Variants in VANGL1 observed in about 807,000 individuals in gnomAD.
VANGL1 encodes the protein vang-like protein 1.
A neutral mutation model predicts 48.4 loss-of-function variants in VANGL1; 18 were observed. That is an observed-to-expected ratio of 0.37 (90% CI 0.26 to 0.55). The LOEUF is 0.55. Among genes scored for constraint, VANGL1 ranks in the 20% least tolerant of loss-of-function variants. The pLI is 0.81. For synonymous variants in VANGL1, 257 were observed against 261.8 expected (o/e 0.98, Z 0.18); for missense variants, 667 against 675.8 (o/e 0.99, Z 0.14).
chr1:115,649,263 TTTTCACATTTAATCTTTACAGC>T (rs1330793208), intron 1 of VANGL1, among the ~76,000 whole-genome samples: 1 of 152,122 alleles, frequency 6.6e-6, no homozygotes, highest in African/African-American at 2.4e-5. Context: ...GCCTGCTGTG[TTTTCACATTTAATCTTTACAGC>T]TACCTCCCCC....
chr1:115,685,363 C>A lies in VANGL1; in HGVS notation c.1150C>A (p.Pro384Thr). Residue 384 changes from proline (P) to threonine (T), a missense_variant, in exon 7 of 8, where the codon CCA becomes ACA. By Grantham distance (38) the Pro-to-Thr change is conservative. Coordinates refer to ENST00000355485, the MANE Select transcript of VANGL1 (RefSeq NM_138959.3). ...RLQAEEQQKA[P>T]GEVMDPREAA... ...CCAGGCTGAGGAGCAGCAGAAAGCC[C>A]CAGGGGAGGTGATGGACCCTAGGGA... The A allele has an allele frequency of 6.2e-7, 1 of 1,614,142 alleles. No individual in the cohort carries two copies. Among genetic ancestry groups the A allele is most frequent in the Non-Finnish European group, 8.5e-7 (1 of 1,180,020 alleles).
At chr1:115,664,974 C>T (rs912347662) in intron 4 of VANGL1, among the ~76,000 whole-genome samples, 3 of 152,158 alleles carry the variant, frequency 2.0e-5, no homozygotes, top group Admixed American at 6.5e-5. Flanking sequence ...CATAGAACCC[C>T]GTGACCTAGG....
At chr1:115,679,329 G>C (rs1396183389) in intron 4 of VANGL1, among the ~76,000 whole-genome samples, 2 of 152,170 alleles carry the variant, frequency 1.3e-5, no homozygotes, top group African/African-American at 4.8e-5. Context: ...CTCACTCTTT[G>C]GGAGGACTGT....
rs147537687 is a variant in VANGL1, at chr1:115,656,310, A to T, written c.72-3331A>T. On this transcript the variant is annotated intron_variant, in intron 2 of 7. Coordinates refer to ENST00000355485, the MANE Select transcript of VANGL1 (RefSeq NM_138959.3). The stretch of plus-strand genomic sequence containing the variant: ...CCATTATCAAGCCCCTGCTATATAC[A>T]GGGCATTTCACAAAGAAGCAAACTT... Among the ~76,000 whole-genome samples, 245 of 152,334 alleles carry T rather than the reference A, an allele frequency of 1.6e-3. 1 individual carries two copies. Among genetic ancestry groups the T allele is most frequent in the Non-Finnish European group, 3.2e-3 (215 of 68,034 alleles).
intron 1 of VANGL1, among the ~76,000 whole-genome samples, chr1:115,648,780 G>A (rs74114597): frequency 0.011 from 1,739 of 152,342 alleles, 36 homozygotes; most frequent in African/African-American, 0.04. Flanking sequence ...CATCTGCGGG[G>A]CCTGGGCCAC....
intron 4 of VANGL1, among the ~76,000 whole-genome samples, chr1:115,678,367 G>A (rs920602659): frequency 2.6e-5 from 4 of 152,210 alleles, no homozygotes; most frequent in Non-Finnish European, 4.4e-5. Context: ...GGGAATGGCT[G>A]CTCCCTGCAT....
chr1:115,667,086 A>G (rs998228681), intron 4 of VANGL1, among the ~76,000 whole-genome samples: 2 of 152,250 alleles, frequency 1.3e-5, no homozygotes, highest in African/African-American at 4.8e-5. Flanking sequence ...GCAGGTCTCC[A>G]TTAGACCCAG....
chr1:115,680,994 G>A (rs1260528698), intron 4 of VANGL1, among the ~76,000 whole-genome samples: 1 of 152,214 alleles, frequency 6.6e-6, no homozygotes, highest in East Asian at 1.9e-4. Flanking sequence ...GGAGATGTCA[G>A]CACGTACGCT....
rs752111088 is a variant in VANGL1 at position 115,685,542 on chromosome 1, G to A, written c.1314+15G>A. ...TGACCCCCAAGGTGCGCTGCTCCGG[G>A]CGGGCTCTGCCACCGTCATCCTGGC... On this transcript the variant is annotated intron_variant, in intron 7 of 7. Coordinates refer to ENST00000355485, the MANE Select transcript of VANGL1 (RefSeq NM_138959.3). 1 of 1,612,816 alleles carries A rather than the reference G, an allele frequency of 6.2e-7. No individual in the cohort carries two copies. Among genetic ancestry groups the A allele is most frequent in the East Asian group, 2.2e-5 (1 of 44,822 alleles).
intron 7 of VANGL1, among the ~76,000 whole-genome samples, chr1:115,686,288 CG>C (rs1653613465): frequency 6.8e-6 from 1 of 146,106 alleles, no homozygotes; most frequent in Non-Finnish European, 1.5e-5. Flanking sequence ...AATAGAATGG[CG>C]TGAACCCAGG....
At chr1:115,673,025 G>C (rs1398139677) in intron 4 of VANGL1, among the ~76,000 whole-genome samples, 1 of 152,342 alleles carries the variant, frequency 6.6e-6, no homozygotes, top group East Asian at 1.9e-4. Context: ...CCTAGCTGCA[G>C]GTTTTCACAG....
Position 115,684,042 on chromosome 1 carries a change from G to A in VANGL1, c.1045G>A (p.Glu349Lys), listed in dbSNP as rs778860160. The A allele has an allele frequency of 6.8e-6, 11 of 1,614,054 alleles. No individual in the cohort carries two copies. Among genetic ancestry groups the A allele is most frequent in the East Asian group, 2.2e-5 (1 of 44,884 alleles). ...CAACGAGTTGTATTATGAAGAGGCC[G>A]AACATGAACGGCGAGTAAAGAAGCG... ...SHNELYYEEA[E>K]HERRVKKRKA... is the part of the protein sequence containing the mutation. The change falls in exon 6 of 8, where the codon GAA becomes AAA. Residue 349 changes from glutamate to lysine, a missense_variant. Coordinates refer to ENST00000355485, the MANE Select transcript of VANGL1 (RefSeq NM_138959.3).
intron 6 of VANGL1, among the ~76,000 whole-genome samples, chr1:115,684,944 G>A (rs1049001654): frequency 7.9e-5 from 12 of 152,116 alleles, no homozygotes; most frequent in African/African-American, 2.4e-4. Context: ...ATAGCCAGTC[G>A]GAGGGGCCTC....
At chr1:115,658,653 T>A (rs1652433947) in intron 2 of VANGL1, among the ~76,000 whole-genome samples, 1 of 152,084 alleles carries the variant, frequency 6.6e-6, no homozygotes, top group African/African-American at 2.4e-5. Context: ...GATGTCAAGG[T>A]GGCTGTGGGG....
chr1:115,675,331 T>C (rs1174225686), intron 4 of VANGL1, among the ~76,000 whole-genome samples: 1 of 152,070 alleles, frequency 6.6e-6, no homozygotes, highest in African/African-American at 2.4e-5. Flanking sequence ...TGAAACCCCG[T>C]CTCTACTAAA....
intron 2 of VANGL1, among the ~76,000 whole-genome samples, chr1:115,656,982 G>A (rs372502031): frequency 5.9e-5 from 9 of 152,212 alleles, no homozygotes; most frequent in Admixed American, 1.3e-4. Context: ...AAATGGAAAC[G>A]GATTAAGATA....
In VANGL1 at chr1:115,664,033, A is replaced by G; in HGVS notation, c.577A>G (p.Ile193Val). ...FVFRALLLVL[I>V]FLFVVSYWLF... is the part of the protein sequence containing the mutation. ...GTTTCGTGCCCTTTTGTTGGTCCTC[A>G]TCTTTCTCTTTGTGGTTTCCTATTG... The change falls in exon 4 of 8, where the codon ATC becomes GTC. Residue 193 changes from isoleucine to valine, a missense_variant. Physicochemically the swap from Ile to Val is conservative, Grantham distance 29. Transcript: ENST00000355485. 2 of 1,614,008 alleles carry G rather than the reference A, an allele frequency of 1.2e-6. No individual in the cohort carries two copies. The highest frequency in any genetic ancestry group is 1.7e-6 in the Non-Finnish European group (2 of 1,180,008).
chr1:115,651,782 A>T (rs1192996170), intron 2 of VANGL1, among the ~76,000 whole-genome samples: 1 of 149,448 alleles, frequency 6.7e-6, no homozygotes, highest in Non-Finnish European at 1.5e-5. Flanking sequence ...TTTGAGACGG[A>T]GTCTCGTTCT....
intron 4 of VANGL1, among the ~76,000 whole-genome samples, chr1:115,679,855 A>T (rs1357403980): frequency 6.6e-6 from 1 of 151,994 alleles, no homozygotes; most frequent in Non-Finnish European, 1.5e-5. Flanking sequence ...GGATGAAGTG[A>T]GTTTGAACCC....
Sources: allele counts gnomAD v4.1 joint callset (sites outside exome capture counted in the v4.1 genomes callset), GRCh38; gene constraint gnomAD v4.1.1; transcripts MANE v1.5; gene names NCBI Gene and HGNC (gene_info 2026-07-23, HGNC 2026-07-21).